RBFOX1: variants seen among roughly 807,000 people sequenced by gnomAD.
The protein encoded by RBFOX1 is RNA binding fox-1 homolog 1, also known as RNA binding protein fox-1 homolog 1.
A neutral mutation model predicts 57.7 loss-of-function variants in RBFOX1; 8 were observed. The observed-to-expected ratio is 0.14, with a 90% confidence interval of 0.08 to 0.25. The LOEUF is 0.25. Ranked by LOEUF, RBFOX1 falls within the 10% of genes least tolerant of loss-of-function variation. The pLI, the probability that RBFOX1 is intolerant of heterozygous loss-of-function variation, is 1.00. For synonymous variants in RBFOX1, 326 were observed against 222.4 expected (o/e 1.47, Z -4.15); for missense variants, 611 against 548.5 (o/e 1.11, Z -1.14).
intron 2 of RBFOX1, among the ~76,000 whole-genome samples, chr16:5,505,112 A>G (rs980558567): frequency 6.6e-6 from 1 of 152,186 alleles, no homozygotes; most frequent in Non-Finnish European, 1.5e-5. Flanking sequence ...GGAATTGTGC[A>G]GTGTATGAGT....
At chr16:6,550,439 C>G (rs1187627125) in intron 2 of RBFOX1, among the ~76,000 whole-genome samples, 2 of 152,184 alleles carry the variant, frequency 1.3e-5, no homozygotes, top group African/African-American at 4.8e-5. Context: ...GATCTGTTCA[C>G]CTAGGCCTCC....
chr16:7,289,813 A>G (rs113802799), intron 4 of RBFOX1, among the ~76,000 whole-genome samples: 99 of 152,336 alleles, frequency 6.5e-4, no homozygotes, highest in African/African-American at 2.3e-3. Flanking sequence ...TCTCACTTAT[A>G]AATAAGGATC....
chr16:5,584,466 T>G (rs1395736238), intron 2 of RBFOX1, among the ~76,000 whole-genome samples: 3 of 152,230 alleles, frequency 2.0e-5, no homozygotes, highest in Non-Finnish European at 4.4e-5. Context: ...TACGTCTATT[T>G]CTGATACCAT....
chr16:6,751,577 T>C (rs1285461024), intron 3 of RBFOX1, among the ~76,000 whole-genome samples: 1 of 152,192 alleles, frequency 6.6e-6, no homozygotes. Flanking sequence ...CAGTGCTTCC[T>C]CTGCACATCT....
intron 3 of RBFOX1, among the ~76,000 whole-genome samples, chr16:5,704,080 C>G (rs954026995): frequency 2.0e-5 from 3 of 152,160 alleles, no homozygotes; most frequent in Non-Finnish European, 4.4e-5. Flanking sequence ...TTCTTATTAC[C>G]CACCTTGAAC....
chr16:6,647,798 A>T (rs1457628819), intron 2 of RBFOX1, among the ~76,000 whole-genome samples: 2 of 152,068 alleles, frequency 1.3e-5, no homozygotes, highest in African/African-American at 4.8e-5. Flanking sequence ...GCAGTGGTAC[A>T]ATCTTAGCTC....
chr16:6,455,348 G>C (rs74334049), intron 2 of RBFOX1, among the ~76,000 whole-genome samples: 1 of 152,084 alleles, frequency 6.6e-6, no homozygotes. Flanking sequence ...AATGAAACAG[G>C]ATCCCTTGGA....
intron 1 of RBFOX1, among the ~76,000 whole-genome samples, chr16:5,318,371 C>T (rs1459824686): frequency 1.3e-5 from 2 of 152,104 alleles, no homozygotes; most frequent in Non-Finnish European, 2.9e-5. Context: ...TCAAGTGATG[C>T]ACCCACCTTG....
At chr16:7,038,107 C>G (rs2045072809) in intron 3 of RBFOX1, among the ~76,000 whole-genome samples, 1 of 152,114 alleles carries the variant, frequency 6.6e-6, no homozygotes, top group East Asian at 1.9e-4. Flanking sequence ...TCTTTCCCAC[C>G]TCTGGATGTA....
chr16:5,421,770 C>G (rs1431414058), intron 1 of RBFOX1, among the ~76,000 whole-genome samples: 2 of 152,128 alleles, frequency 1.3e-5, no homozygotes, highest in Non-Finnish European at 2.9e-5. Flanking sequence ...TGCAAATAAC[C>G]CTTACTCATC....
intron 4 of RBFOX1, among the ~76,000 whole-genome samples, chr16:7,063,819 T>C (rs1014808074): frequency 6.6e-6 from 1 of 152,224 alleles, no homozygotes; most frequent in Non-Finnish European, 1.5e-5. Context: ...TTGCATCAGG[T>C]ATTCAAGTAA....
intron 4 of RBFOX1, among the ~76,000 whole-genome samples, chr16:5,981,747 G>T (rs745951394): frequency 4.6e-5 from 7 of 152,158 alleles, no homozygotes; most frequent in Non-Finnish European, 1.0e-4. Flanking sequence ...GGGATTGTAG[G>T]TGTGAGCCGC....
At chr16:5,343,522 C>T (rs528510422) in intron 1 of RBFOX1, among the ~76,000 whole-genome samples, 11 of 151,818 alleles carry the variant, frequency 7.2e-5, no homozygotes, top group African/African-American at 1.9e-4. Context: ...GGGGTTTCAC[C>T]GTGTTACCCA....
At chr16:5,430,711 C>T (rs1268060110) in intron 1 of RBFOX1, among the ~76,000 whole-genome samples, 2 of 152,170 alleles carry the variant, frequency 1.3e-5, no homozygotes, top group East Asian at 1.9e-4. Context: ...GTATAAACTT[C>T]CTGCTGCGCC....
At chr16:6,409,552 T>C (rs533600735) in intron 2 of RBFOX1, among the ~76,000 whole-genome samples, 14 of 152,326 alleles carry the variant, frequency 9.2e-5, no homozygotes, top group Admixed American at 5.2e-4. Context: ...TTTGATAATA[T>C]ACCTCCATGA....
At position 7,403,013 on chromosome 16, in the gene RBFOX1, G is replaced by A. The variant is rs79081543; in HGVS notation, c.28-115134G>A. 2.9e-4 allele frequency among the ~76,000 whole-genome samples: 44 copies of A among 152,258 alleles called. 2 individuals carry two copies. The East Asian group carries it at 5.4e-3, about 19-fold the overall frequency. On this transcript the variant is annotated intron_variant, in intron 4 of 15. Coordinates refer to ENST00000550418, the MANE Select transcript of RBFOX1 (RefSeq NM_018723.4). ...GGAGGAGGTGAACCTGGAACTCCCC[G>A]TTCACGATGCAGTTGTGGAATAAAA...
chr16:5,730,631 A>G (rs908057713), intron 3 of RBFOX1, among the ~76,000 whole-genome samples: 25 of 152,088 alleles, frequency 1.6e-4, no homozygotes, highest in Non-Finnish European at 2.5e-4. Context: ...TGTCACCATC[A>G]TCATCACTAC....
intron 2 of RBFOX1, among the ~76,000 whole-genome samples, chr16:6,478,198 G>A (rs2095303957): frequency 1.1e-5 from 1 of 92,454 alleles, no homozygotes; most frequent in Non-Finnish European, 2.3e-5. Flanking sequence ...AGTTGGTGCA[G>A]GAGCCTAGCT....
chr16:5,792,233 A>G (rs547772560), intron 3 of RBFOX1, among the ~76,000 whole-genome samples: 4 of 152,270 alleles, frequency 2.6e-5, no homozygotes, highest in African/African-American at 9.6e-5. Flanking sequence ...CTTCTCTGTA[A>G]ATGGTCAGTT....
Sources: gnomAD v4.1 joint callset for allele counts (sites outside exome capture counted in the v4.1 genomes callset) on GRCh38, gnomAD v4.1.1 for gene constraint, MANE v1.5 for transcripts, NCBI Gene and HGNC (gene_info 2026-07-23, HGNC 2026-07-21) for gene names.